The following PCCA variants were observed in gnomAD, a reference collection of about 807,000 sequenced individuals.
The protein encoded by PCCA is propionyl-CoA carboxylase subunit alpha.
A neutral mutation model predicts 101.3 loss-of-function variants in PCCA; 74 were observed. The ratio of observed to expected loss-of-function variants is 0.73; its 90% CI spans 0.61 to 0.89. The LOEUF (loss-of-function observed/expected upper bound fraction) is 0.89. Ranked by LOEUF, PCCA falls within the 40% of genes least tolerant of loss-of-function variation. The pLI is 0.00. For missense variants in PCCA, 891 were observed against 907.0 expected (o/e 0.98, Z 0.23); for synonymous variants, 294 against 313.6 (o/e 0.94, Z 0.66).
chr13:100,149,315 A>G (rs997056690), intron 4 of PCCA: 1 of 152,164 alleles, frequency 6.6e-6, no homozygotes, highest in African/African-American at 2.4e-5. Context: ...GCTTATAAGG[A>G]AACTTGCCAT....
intron 20 of PCCA, among the ~76,000 whole-genome samples, chr13:100,436,196 C>T (rs2079921709): frequency 6.6e-6 from 1 of 152,150 alleles, no homozygotes; most frequent in African/African-American, 2.4e-5. Context: ...TTATACTCAC[C>T]TCATGTAAAT....
chr13:100,337,124 G>A (rs778651057), intron 17 of PCCA, among the ~76,000 whole-genome samples: 7 of 152,076 alleles, frequency 4.6e-5, no homozygotes, highest in East Asian at 1.9e-4. Context: ...TACTTACCGC[G>A]CCCCCAAGTT....
In PCCA at chr13:100,344,771, A is replaced by G. The variant is rs910152213; in HGVS notation, c.1643+4512A>G. Among the ~76,000 whole-genome samples, 49 of 152,144 alleles carry G rather than the reference A, an allele frequency of 3.2e-4. 1 individual carries two copies. Among genetic ancestry groups the G allele is most frequent in the Admixed American group, 3.2e-3 (49 of 15,270 alleles). ...TTCTCAGATATTGCATTTTTTACGGATTGAAGGTTTATGGCAACCCTGCAT... is the reference window on the plus strand; with the variant it reads ...TTCTCAGATATTGCATTTTTTACGGGTTGAAGGTTTATGGCAACCCTGCAT... On this transcript the variant is annotated intron_variant, in intron 18 of 23. Transcript: ENST00000376285.
At chr13:100,356,731 T>G (rs1202370247) in intron 18 of PCCA, among the ~76,000 whole-genome samples, 1 of 152,138 alleles carries the variant, frequency 6.6e-6, no homozygotes, top group Non-Finnish European at 1.5e-5. Context: ...CCAAGGGAAA[T>G]GAAACCATGT....
Position 100,375,555 on chromosome 13 carries a change from G to T in PCCA, c.1746+6981G>T, listed in dbSNP as rs552612950. On this transcript the variant is annotated intron_variant, in intron 19 of 23. Transcript: ENST00000376285. ...TTATGAATCTGTGTGCTCCTGTATT[G>T]GGTTCATATATATTTAGGATAGTTA... Among the ~76,000 whole-genome samples the T allele has an allele frequency of 1.1e-4, 17 of 152,144 alleles. No homozygotes were observed. The South Asian group carries it at 2.5e-3, about 22-fold the overall frequency.
chr13:100,187,221 A>G (rs2057356176), intron 6 of PCCA, among the ~76,000 whole-genome samples: 1 of 152,312 alleles, frequency 6.6e-6, no homozygotes, highest in Non-Finnish European at 1.5e-5. Flanking sequence ...TTGATTATTA[A>G]TTTTTGAGTT....
At chr13:100,132,747 T>C (rs147746335) in intron 4 of PCCA, among the ~76,000 whole-genome samples, 3 of 152,246 alleles carry the variant, frequency 2.0e-5, no homozygotes, top group African/African-American at 7.2e-5. Flanking sequence ...AGAGTTGTAG[T>C]GGTTCTTCAT....
chr13:100,526,509 G>A (rs998178408), intron 22 of PCCA, among the ~76,000 whole-genome samples: 1 of 151,998 alleles, frequency 6.6e-6, no homozygotes. Flanking sequence ...TGCGCCACAC[G>A]GGGGGGCCAG....
intron 21 of PCCA, among the ~76,000 whole-genome samples, chr13:100,475,302 A>G (rs928699539): frequency 6.6e-6 from 1 of 151,932 alleles, no homozygotes; most frequent in South Asian, 2.1e-4. Context: ...GAAGCCCCCT[A>G]CCCATTAGCA....
chr13:100,523,088 G>C (rs1412567132), intron 22 of PCCA, among the ~76,000 whole-genome samples: 1 of 152,176 alleles, frequency 6.6e-6, no homozygotes, highest in East Asian at 1.9e-4. Flanking sequence ...GCAGTCTGCA[G>C]TTTGAATGAT....
At chr13:100,215,668 C>G (rs2059468507) in intron 7 of PCCA, among the ~76,000 whole-genome samples, 1 of 151,978 alleles carries the variant, frequency 6.6e-6, no homozygotes, top group Admixed American at 6.6e-5. Context: ...GGTGGAGTCT[C>G]ACTTTATTGC....
chr13:100,285,784 C>T (rs184489951), intron 12 of PCCA, among the ~76,000 whole-genome samples: 5 of 152,278 alleles, frequency 3.3e-5, no homozygotes, highest in South Asian at 2.1e-4. Flanking sequence ...GAGATGATCT[C>T]GTAGAAGTCC....
At chr13:100,308,916 A>G (rs544706662) in intron 15 of PCCA, among the ~76,000 whole-genome samples, 1 of 152,336 alleles carries the variant, frequency 6.6e-6, no homozygotes, top group Non-Finnish European at 1.5e-5. Flanking sequence ...TTGCCAAATT[A>G]TAGAGATACA....
At chr13:100,202,112 T>A (rs1431348882) in intron 6 of PCCA, among the ~76,000 whole-genome samples, 1 of 149,074 alleles carries the variant, frequency 6.7e-6, no homozygotes, top group Admixed American at 6.9e-5. Context: ...GGAGGATCAC[T>A]TGAGGCCAGG....
intron 2 of PCCA, among the ~76,000 whole-genome samples, chr13:100,107,501 A>G (rs1396102547): frequency 6.6e-6 from 1 of 152,178 alleles, no homozygotes; most frequent in Non-Finnish European, 1.5e-5. Context: ...CAACCTGGGT[A>G]ACAGAGCAAA....
intron 4 of PCCA, among the ~76,000 whole-genome samples, chr13:100,137,475 C>T (rs1315994297): frequency 1.3e-5 from 2 of 152,120 alleles, no homozygotes; most frequent in Non-Finnish European, 2.9e-5. Flanking sequence ...TTGTCTGTTT[C>T]TCCTCTCAGT....
intron 21 of PCCA, among the ~76,000 whole-genome samples, chr13:100,453,260 G>A (rs1257990229): frequency 6.6e-6 from 1 of 152,112 alleles, no homozygotes; most frequent in East Asian, 1.9e-4. Context: ...CCAGCGCTTT[G>A]GGAGGCTGAG....
chr13:100,451,234 C>T (rs558366562), intron 21 of PCCA, among the ~76,000 whole-genome samples: 8 of 152,206 alleles, frequency 5.3e-5, no homozygotes, highest in South Asian at 2.1e-4. Flanking sequence ...AAAATATCTT[C>T]GATGATACAT....
chr13:100,488,620 GTTT>G (rs1370836335), intron 21 of PCCA, among the ~76,000 whole-genome samples: 5 of 121,670 alleles, frequency 4.1e-5, no homozygotes, highest in South Asian at 3.7e-4. Flanking sequence ...TACAAGTTTT[GTTT>G]TTTTGTTTTG....
Sources: gnomAD v4.1 joint callset for allele counts (sites outside exome capture counted in the v4.1 genomes callset) on GRCh38, gnomAD v4.1.1 for gene constraint, MANE v1.5 for transcripts, NCBI Gene and HGNC (gene_info 2026-07-23, HGNC 2026-07-21) for gene names.